Variants in GNPAT observed in about 807,000 individuals in gnomAD.
GNPAT encodes dihydroxyacetone phosphate acyltransferase.
Under a neutral mutation model 78.4 loss-of-function variants are expected in GNPAT, and 30 were observed. The ratio of observed to expected loss-of-function variants is 0.38; its 90% CI spans 0.29 to 0.52. The LOEUF (loss-of-function observed/expected upper bound fraction) is 0.52. Ranked by LOEUF, GNPAT falls within the 20% of genes least tolerant of loss-of-function variation. The pLI is 0.84. For missense variants in GNPAT, 714 were observed against 812.2 expected, an observed-to-expected ratio of 0.88 and a Z score of 1.47; for synonymous variants, 271 against 281.1, an observed-to-expected ratio of 0.96 and a Z score of 0.36.
At chr1:231,247,783 C>T (rs147295140) in intron 1 of GNPAT, among the ~76,000 whole-genome samples, 8 of 152,250 alleles carry the variant, frequency 5.3e-5, no homozygotes, top group South Asian at 2.1e-4. Context: ...TCTGGGAACA[C>T]GTAGTGTGTT....
chr1:231,266,835 A>G (rs531490839), intron 8 of GNPAT, among the ~76,000 whole-genome samples: 2 of 152,342 alleles, frequency 1.3e-5, no homozygotes, highest in South Asian at 4.1e-4. Flanking sequence ...TTATAGTTTT[A>G]TAGGCAAGAA....
At chr1:231,269,683 A>T (rs541780269) in intron 9 of GNPAT, among the ~76,000 whole-genome samples, 1 of 152,322 alleles carries the variant, frequency 6.6e-6, no homozygotes, top group South Asian at 2.1e-4. Context: ...TGTCATGAGA[A>T]ATAGCTAAAA....
chr1:231,255,469 G>A (rs1383177573), intron 2 of GNPAT, among the ~76,000 whole-genome samples: 1 of 152,038 alleles, frequency 6.6e-6, no homozygotes, highest in Non-Finnish European at 1.5e-5. Context: ...TGTCACCCAG[G>A]CTGGAGTACA....
chr1:231,265,348 C>T lies in GNPAT; in HGVS notation c.624C>T (p.Phe208=), dbSNP rs769146076. The change falls in exon 5 of 16, where the codon TTC becomes TTT. Residue 208 remains phenylalanine (F), a synonymous_variant. Transcript: ENST00000366647. ...GELLRMSGAF[F]MRRTFGGNKL... is the part of the protein sequence containing the mutation. ...TGCTACGAATGTCGGGTGCCTTTTT[C>T]ATGCGGCGTACCTTTGGTGGCAATA... The T allele has an allele frequency of 5.6e-6, 9 of 1,610,918 alleles. No individual in the cohort carries two copies. Among genetic ancestry groups the T allele is most frequent in the African/African-American group, 4.0e-5 (3 of 74,862 alleles).
In GNPAT at chr1:231,265,750, A is replaced by G; in HGVS notation, c.735A>G (p.Thr245=). 2 of 1,608,176 alleles carry G rather than the reference A, an allele frequency of 1.2e-6. No individual in the cohort carries two copies. Among genetic ancestry groups the G allele is most frequent in the Non-Finnish European group, 1.7e-6 (2 of 1,174,548 alleles). ...CTGTTGAATTTTTCCTCGAAGGGAC[A>G]AGAAGCCGCTCTGCCAAGACATTGA... ...YAPVEFFLEG[T]RSRSAKTLTP... Residue 245 remains threonine, a synonymous_variant, in exon 6 of 16, where the codon ACA becomes ACG. Coordinates refer to ENST00000366647, the MANE Select transcript of GNPAT (RefSeq NM_014236.4).
chr1:231,249,363 A>C (rs974313093), intron 1 of GNPAT, among the ~76,000 whole-genome samples: 2 of 152,244 alleles, frequency 1.3e-5, no homozygotes, highest in Non-Finnish European at 2.9e-5. Flanking sequence ...TAAACTCCTC[A>C]TAAATGCTAT....
intron 9 of GNPAT, 33 bp from the exon 10 acceptor site, chr1:231,270,725 C>T: frequency 6.2e-7 from 1 of 1,612,008 alleles, no homozygotes; most frequent in African/African-American, 1.3e-5. Context: ...TGCAGTGACC[C>T]ATCTTGTTTG....
rs541570701 is a variant in GNPAT at position 231,273,641 on chromosome 1, AAAAG to A, written c.1603-277_1603-274del. Among the ~76,000 whole-genome samples the A allele has an allele frequency of 7.2e-4, 109 of 152,292 alleles. 1 individual carries two copies. Among genetic ancestry groups the A allele is most frequent in the African/African-American group, 2.6e-3 (108 of 41,570 alleles). On this transcript the variant is annotated intron_variant, in intron 11 of 15. Coordinates refer to ENST00000366647, the MANE Select transcript of GNPAT (RefSeq NM_014236.4). ...AAATTAAGGAGTGGTTCTGCAAAGT[AAAAG>A]AAAATCCATCACCCAGGTTGTGATT...
chr1:231,272,864 G>A (rs1206951198), intron 11 of GNPAT, among the ~76,000 whole-genome samples: 1 of 152,056 alleles, frequency 6.6e-6, no homozygotes, highest in Non-Finnish European at 1.5e-5. Context: ...AGCTACTCAG[G>A]AGGCTGAGGC....
chr1:231,250,695 T>C (rs1684870117), intron 1 of GNPAT, among the ~76,000 whole-genome samples: 1 of 152,242 alleles, frequency 6.6e-6, no homozygotes. Context: ...CTTTGCTGTC[T>C]TCATTAAATT....
chr1:231,265,796 CT>C lies in GNPAT; in HGVS notation c.772+10del. 6.5e-7 allele frequency: 1 copy of C among 1,542,768 alleles called. No homozygotes were observed. Among genetic ancestry groups the C allele is most frequent in the South Asian group, 1.1e-5 (1 of 89,666 alleles). On this transcript the variant is annotated intron_variant, in intron 6 of 15. Coordinates refer to ENST00000366647, the MANE Select transcript of GNPAT (RefSeq NM_014236.4). Reference sequence around the variant, plus strand: ...ATTGACTCCTAAATTTGGTAGGTCACTACAGATTAAAAGGAAAAATACAAAC... The same window carrying C: ...ATTGACTCCTAAATTTGGTAGGTCACACAGATTAAAAGGAAAAATACAAAC...
At chr1:231,242,254 G>GT (rs1684632880) in intron 1 of GNPAT, among the ~76,000 whole-genome samples, 2 of 152,236 alleles carry the variant, frequency 1.3e-5, no homozygotes, top group South Asian at 4.1e-4. Context: ...CACTAAATTA[G>GT]TTTTTAGCTA....
intron 4 of GNPAT, among the ~76,000 whole-genome samples, chr1:231,264,744 A>G (rs1260575182): frequency 6.6e-6 from 1 of 152,216 alleles, no homozygotes; most frequent in Non-Finnish European, 1.5e-5. Context: ...TAGGCAAAAG[A>G]TGAGAGCGGG....
chr1:231,255,480 G>C lies in GNPAT; in HGVS notation c.261+4337G>C, dbSNP rs533127451. On this transcript the variant is annotated intron_variant, in intron 2 of 15. Transcript: ENST00000366647. ...TCTCTGTCACCCAGGCTGGAGTACA[G>C]TGGCATGATCATAGCTCACTGTAAC... is the stretch of plus-strand genomic sequence containing the variant. 1.2e-3 allele frequency among the ~76,000 whole-genome samples: 181 copies of C among 152,256 alleles called. 1 individual carries two copies. Among genetic ancestry groups the C allele is most frequent in the African/African-American group, 4.1e-3 (169 of 41,546 alleles).
At chr1:231,255,777 A>C (rs896098081) in intron 2 of GNPAT, among the ~76,000 whole-genome samples, 4 of 151,996 alleles carry the variant, frequency 2.6e-5, no homozygotes, top group Admixed American at 6.6e-5. Context: ...ACACCTCCTC[A>C]TCCTTCATTT....
At chr1:231,248,547 G>T (rs569451662) in intron 1 of GNPAT, among the ~76,000 whole-genome samples, 21 of 151,030 alleles carry the variant, frequency 1.4e-4, no homozygotes, top group Non-Finnish European at 3.1e-4. Flanking sequence ...GGGCAACATA[G>T]CAAGACCCCC....
Position 231,272,364 on chromosome 1 carries a change from C to A in GNPAT, c.1575C>A (p.Phe525Leu). 1 of 1,588,058 alleles carries A rather than the reference C, an allele frequency of 6.3e-7. No homozygotes were observed. Among genetic ancestry groups the A allele is most frequent in the South Asian group, 1.1e-5 (1 of 90,358 alleles). Residue 525 changes from phenylalanine (F) to leucine (L), a missense_variant, in exon 11 of 16, where the codon TTC becomes TTA. Coordinates refer to ENST00000366647, the MANE Select transcript of GNPAT (RefSeq NM_014236.4). ...TACGTGATGTTTTTGCAGATGAGTT[C>A]ATCTTCCTTCCAGGAAACACACTAA... ...RFLRDVFADE[F>L]IFLPGNTLKD... is the part of the protein sequence containing the mutation.
At chr1:231,272,806 TAA>T (rs1685605612) in intron 11 of GNPAT, among the ~76,000 whole-genome samples, 1 of 152,050 alleles carries the variant, frequency 6.6e-6, no homozygotes, top group Non-Finnish European at 1.5e-5. Flanking sequence ...CCGTCTGTAC[TAA>T]AAATACAAAA....
intron 1 of GNPAT, among the ~76,000 whole-genome samples, chr1:231,249,315 A>C (rs1350999319): frequency 3.9e-5 from 6 of 152,148 alleles, no homozygotes; most frequent in Non-Finnish European, 7.3e-5. Flanking sequence ...TGGACATAAA[A>C]ATGTTCATGT....
Sources: gnomAD v4.1 joint callset for allele counts (sites outside exome capture counted in the v4.1 genomes callset) on GRCh38, gnomAD v4.1.1 for gene constraint, MANE v1.5 for transcripts, NCBI Gene and HGNC (gene_info 2026-07-23, HGNC 2026-07-21) for gene names.